Variants in HCN4 observed in about 807,000 individuals in gnomAD.
HCN4 encodes hyperpolarization activated cyclic nucleotide gated potassium channel 4, also known as potassium/sodium hyperpolarization-activated cyclic nucleotide-gated channel 4.
A neutral mutation model predicts 76.9 loss-of-function variants in HCN4; 29 were observed. That is an observed-to-expected ratio of 0.38 (90% CI 0.28 to 0.51). HCN4 has a LOEUF of 0.51. Among genes scored for constraint, HCN4 ranks in the 20% least tolerant of loss-of-function variants. HCN4 has a pLI of 0.90. For missense variants in HCN4, 1,416 were observed against 1,715.2 expected (o/e 0.83, Z 3.08); for synonymous variants, 772 against 762.5 (o/e 1.01, Z -0.21).
In HCN4 at chr15:73,323,350, C is replaced by T; in HGVS notation, c.2743G>A (p.Gly915Ser). Residue 915 changes from glycine to serine, a missense_variant, in exon 8 of 8, where the codon GGT (glycine) becomes AGT (serine). Gly to Ser is a moderately conservative substitution (Grantham distance 56). This residue lies in a region of HCN4 where 633 missense variants were observed against 579.8 expected (regional missense o/e 1.09). Coordinates refer to ENST00000261917, the MANE Select transcript of HCN4 (RefSeq NM_005477.3). ...GAGTCGGAGGAGGACAGGGAGCCAC[C>T]CAGCGCCTTGTGGAAGTGGCCAAAC... is the stretch of plus-strand genomic sequence containing the variant. The part of the protein sequence containing the change: ...AGFGHFHKAL[G>S]GSLSSSDSPL... 5 of 1,572,186 alleles carry T rather than the reference C, an allele frequency of 3.2e-6. No homozygotes were observed. Among genetic ancestry groups the T allele is most frequent in the African/African-American group, 2.7e-5 (2 of 74,188 alleles).
chr15:73,361,781 A>AGGGGCGGCTGCTGGCCATAGCCT (rs1208517036), intron 1 of HCN4, among the ~76,000 whole-genome samples: 1 of 152,206 alleles, frequency 6.6e-6, no homozygotes, highest in East Asian at 1.9e-4. Context: ...CCCAGCCCCC[A>AGGGGCGGCTGCTGGCCATAGCCT]GGGGCGGCTG....
intron 1 of HCN4, among the ~76,000 whole-genome samples, chr15:73,348,542 T>C (rs558737664): frequency 1.3e-5 from 2 of 152,380 alleles, no homozygotes; most frequent in African/African-American, 4.8e-5. Context: ...ACAAATGATA[T>C]CCACTGGGAA....
At chr15:73,361,179 C>A (rs111385512) in intron 1 of HCN4, among the ~76,000 whole-genome samples, 2 of 152,232 alleles carry the variant, frequency 1.3e-5, no homozygotes, top group African/African-American at 4.8e-5. Flanking sequence ...TGCTTGGCAA[C>A]CTCTGATCGA....
At chr15:73,348,822 A>G (rs2151222646) in intron 1 of HCN4, among the ~76,000 whole-genome samples, 1 of 152,220 alleles carries the variant, frequency 6.6e-6, no homozygotes, top group African/African-American at 2.4e-5. Flanking sequence ...AACTTTGCAG[A>G]CAGCTCCCAC....
At chr15:73,342,089 AGGCCCTCCAGGCTGGCCTGCCTGCC>A (rs2043008331) in intron 2 of HCN4, among the ~76,000 whole-genome samples, 1 of 152,212 alleles carries the variant, frequency 6.6e-6, no homozygotes, top group Non-Finnish European at 1.5e-5. Context: ...CAGAGAGAGT[AGGCCCTCCAGGCTGGCCTGCCTGCC>A]GCTGCTGCCA....
At position 73,323,426 on chromosome 15, in the gene HCN4, G is replaced by T; in HGVS notation, c.2667C>A (p.Ser889=). The T allele has an allele frequency of 6.2e-7, 1 of 1,608,528 alleles. No homozygotes were observed. The highest frequency in any genetic ancestry group is 8.5e-7 in the Non-Finnish European group (1 of 1,178,154). The change falls in exon 8 of 8, where the codon TCC becomes TCA. Residue 889 remains serine (S), a synonymous_variant. Coordinates refer to ENST00000261917, the MANE Select transcript of HCN4 (RefSeq NM_005477.3). ...CAGCTGATGGTGTGGGAGCCGAGGGGGAGCCACAGGCCCCGGGGGGTGGGG... is the reference window on the plus strand; with the variant it reads ...CAGCTGATGGTGTGGGAGCCGAGGGTGAGCCACAGGCCCCGGGGGGTGGGG... ...SSSPPPGACG[S]PSAPTPSAGV... is the part of the protein sequence containing the mutation.
At chr15:73,353,663 C>T (rs1167354109) in intron 1 of HCN4, among the ~76,000 whole-genome samples, 1 of 152,198 alleles carries the variant, frequency 6.6e-6, no homozygotes, top group Non-Finnish European at 1.5e-5. Context: ...TCACCACCTT[C>T]ACCATCCCAT....
intron 1 of HCN4, among the ~76,000 whole-genome samples, chr15:73,345,582 T>C (rs2043026057): frequency 6.6e-6 from 1 of 152,148 alleles, no homozygotes; most frequent in African/African-American, 2.4e-5. Context: ...TCAGCATCTA[T>C]GGGGTGCCCT....
intron 4 of HCN4, 71 bp downstream of exon 4, chr15:73,329,502 G>A (rs1339747449): frequency 8.9e-6 from 13 of 1,458,330 alleles, no homozygotes; most frequent in South Asian, 1.2e-5. Flanking sequence ...CCTGCTGGGG[G>A]CCCACTGGCT....
intron 1 of HCN4, among the ~76,000 whole-genome samples, chr15:73,362,962 G>A (rs931723012): frequency 6.6e-6 from 1 of 152,120 alleles, no homozygotes; most frequent in Non-Finnish European, 1.5e-5. Context: ...GAAGCACCTC[G>A]GTCCTGAGCT....
intron 1 of HCN4, among the ~76,000 whole-genome samples, chr15:73,363,945 G>A (rs979468031): frequency 3.3e-5 from 5 of 152,142 alleles, no homozygotes; most frequent in African/African-American, 1.2e-4. Flanking sequence ...GAGGTGATGG[G>A]AGGTGAGTAA....
At chr15:73,346,434 T>C (rs1430159606) in intron 1 of HCN4, among the ~76,000 whole-genome samples, 1 of 152,010 alleles carries the variant, frequency 6.6e-6, no homozygotes, top group Non-Finnish European at 1.5e-5. Context: ...TCAAAATCAA[T>C]AAATTTGCAG....
rs771606277 is a variant in HCN4 at position 73,322,783 on chromosome 15, C to T, written c.3310G>A (p.Ala1104Thr). 19 of 1,553,316 alleles carry T rather than the reference C, an allele frequency of 1.2e-5. No individual in the cohort carries two copies. In the South Asian group the frequency reaches 1.9e-4, roughly 16 times the overall value. The change falls in exon 8 of 8, where the codon GCC (alanine) becomes ACC (threonine). Residue 1104 changes from alanine to threonine, a missense_variant. Ala to Thr is a moderately conservative substitution (Grantham distance 58). Coordinates refer to ENST00000261917, the MANE Select transcript of HCN4 (RefSeq NM_005477.3). ...GACTCCCCTGAGGAGTGCGGGGAGGCTCTGCGGAGAGTCTGCGCCCCGTCC... is the reference window on the plus strand; with the variant it reads ...GACTCCCCTGAGGAGTGCGGGGAGGTTCTGCGGAGAGTCTGCGCCCCGTCC... Reference protein sequence around the residue: ...PQDGAQTLRRASPHSSGESMA... With the variant: ...PQDGAQTLRRTSPHSSGESMA...
At position 73,323,095 on chromosome 15, in the gene HCN4, G is replaced by T. The variant is rs1417479645; in HGVS notation, c.2998C>A (p.Gln1000Lys). ...GCCACAAGGGACGGCGGCTCAGGCTGCCGTGGGGGTGTCTCTGGCGTGCTC... is the reference window on the plus strand; with the variant it reads ...GCCACAAGGGACGGCGGCTCAGGCTTCCGTGGGGGTGTCTCTGGCGTGCTC... ...PLSTPETPPR[Q>K]PEPPSLVAGA... Residue 1000 changes from glutamine (Q) to lysine (K), a missense_variant, in exon 8 of 8, where the codon CAG becomes AAG. This residue lies in a region of HCN4 where 633 missense variants were observed against 579.8 expected (regional missense o/e 1.09). Coordinates refer to ENST00000261917, the MANE Select transcript of HCN4 (RefSeq NM_005477.3). 3 of 1,588,334 alleles carry T rather than the reference G, an allele frequency of 1.9e-6. No homozygotes were observed. Among genetic ancestry groups the T allele is most frequent in the Non-Finnish European group, 2.6e-6 (3 of 1,169,130 alleles).
chr15:73,323,147 C>A lies in HCN4; in HGVS notation c.2946G>T (p.Leu982Phe). 1 of 1,585,688 alleles carries A rather than the reference C, an allele frequency of 6.3e-7. No homozygotes were observed. Among genetic ancestry groups the A allele is most frequent in the South Asian group, 1.2e-5 (1 of 86,896 alleles). ...GTGGGCCAGTGGCCAGACCTAGGGA[C>A]AACTCCCCGGGAGGCTGGCCCAGCT... is the stretch of plus-strand genomic sequence containing the variant. ...PGQLGQPPGE[L>F]SLGLATGPLS... is the part of the protein sequence containing the mutation. Residue 982 changes from leucine (L) to phenylalanine (F), a missense_variant, in exon 8 of 8, where the codon TTG (leucine) becomes TTT (phenylalanine). Coordinates refer to ENST00000261917, the MANE Select transcript of HCN4 (RefSeq NM_005477.3).
chr15:73,347,999 G>A (rs1005251588), intron 1 of HCN4, among the ~76,000 whole-genome samples: 12 of 152,294 alleles, frequency 7.9e-5, no homozygotes, highest in Non-Finnish European at 1.5e-4. Context: ...CCTCTCAGCA[G>A]GAAGAGGCAA....
chr15:73,334,243 C>T, intron 2 of HCN4, among the ~76,000 whole-genome samples: 1 of 152,152 alleles, frequency 6.6e-6, no homozygotes, highest in East Asian at 1.9e-4. Flanking sequence ...TCTGCCATGG[C>T]CTGGAAGGAA....
At position 73,321,749 on chromosome 15, in the gene HCN4, C is replaced by A; in HGVS notation, c.*732G>T. On this transcript the variant is annotated 3_prime_UTR_variant, in exon 8 of 8. Coordinates refer to ENST00000261917, the MANE Select transcript of HCN4 (RefSeq NM_005477.3). ...CCTGAGGACTGGAGAGAGAACGTCCCTAGACCATGCAGTGCACAGCCTGTG... is the reference window on the plus strand; with the variant it reads ...CCTGAGGACTGGAGAGAGAACGTCCATAGACCATGCAGTGCACAGCCTGTG... The A allele has an allele frequency of 6.6e-6, 1 of 152,468 alleles. No individual in the cohort carries two copies. The highest frequency in any genetic ancestry group is 1.5e-5 in the Non-Finnish European group (1 of 68,356). 9.4% of individuals were successfully genotyped at this position (152,468 alleles called of 1,614,324 possible).
At chr15:73,357,039 A>C (rs931029156) in intron 1 of HCN4, among the ~76,000 whole-genome samples, 4 of 152,156 alleles carry the variant, frequency 2.6e-5, no homozygotes, top group Non-Finnish European at 4.4e-5. Flanking sequence ...AGGCAGAATC[A>C]CCTGAGTGCT....
Sources: gnomAD v4.1 joint callset for allele counts (sites outside exome capture counted in the v4.1 genomes callset) on GRCh38, gnomAD v4.1.1 for gene constraint, gnomAD v4.1.1 regional missense constraint, MANE v1.5 for transcripts, NCBI Gene and HGNC (gene_info 2026-07-23, HGNC 2026-07-21) for gene names.